AATK: variants seen among roughly 807,000 people sequenced by gnomAD.
AATK encodes the protein serine/threonine-protein kinase LMTK1.
A neutral mutation model predicts 114.3 loss-of-function variants in AATK; 91 were observed. The ratio of observed to expected loss-of-function variants is 0.80; its 90% CI spans 0.67 to 0.95. AATK has a LOEUF of 0.95. AATK is among the 40% of genes least tolerant of loss of function. AATK has a pLI of 0.00. For missense variants in AATK, 2,176 were observed against 1,965.2 expected (o/e 1.11, Z -2.03); for synonymous variants, 1,075 against 916.5 (o/e 1.17, Z -3.12).
intron 1 of AATK, among the ~76,000 whole-genome samples, chr17:81,145,903 C>T (rs760459220): frequency 7.4e-4 from 113 of 152,020 alleles, no homozygotes; most frequent in Non-Finnish European, 1.3e-3. Context: ...CAAACATAAA[C>T]AAGACTGAGC....
rs562940571 is a variant in AATK at position 81,120,172 on chromosome 17, C to T, written c.3735+29G>A. 65 of 1,543,502 alleles carry T rather than the reference C, an allele frequency of 4.2e-5. 1 individual carries two copies. The South Asian group carries it at 7.0e-4, about 17-fold the overall frequency. On this transcript the variant is annotated intron_variant, in intron 11 of 13. Transcript: ENST00000326724. Reference sequence around the variant, plus strand: ...CCTGCGGGAGCGCGACCCCCAGCCCCGGGCAGACCCCGGGTGGCGGCGGCC... The same window carrying T: ...CCTGCGGGAGCGCGACCCCCAGCCCTGGGCAGACCCCGGGTGGCGGCGGCC...
Position 81,121,681 on chromosome 17 carries a change from T to C in AATK, c.2255A>G (p.Gln752Arg), listed in dbSNP as rs979618973. The C allele has an allele frequency of 6.0e-6, 9 of 1,500,582 alleles. No homozygotes were observed. The highest frequency in any genetic ancestry group is 2.8e-5 in the African/African-American group (2 of 71,874). 93.0% of individuals were successfully genotyped at this position (1,500,582 alleles called of 1,614,324 possible). Reference protein sequence around the residue: ...CPGLPHLCSAQGLAPAPCLVT... With the variant: ...CPGLPHLCSARGLAPAPCLVT... ...CAGGCAGGGAGCAGGTGCCAGGCCC[T>C]GGGCAGAGCATAGATGAGGGAGGCC... The change falls in exon 11 of 14, where the codon CAG (glutamine) becomes CGG (arginine). Residue 752 changes from glutamine (Q) to arginine (R), a missense_variant. By Grantham distance (43) the Gln-to-Arg change is conservative (BLOSUM62 1). This residue lies in a region of AATK where 1,701 missense variants were observed against 1,394.7 expected (regional missense o/e 1.22). Transcript: ENST00000326724.
chr17:81,126,661 T>G lies in AATK; in HGVS notation c.622-101A>C, dbSNP rs970773424. 6.8e-6 allele frequency: 10 copies of G among 1,464,128 alleles called. No homozygotes were observed. Among genetic ancestry groups the G allele is most frequent in the Non-Finnish European group, 9.1e-6 (10 of 1,103,514 alleles). The allele number at this position is 1,464,128 out of a possible 1,614,324, so 90.7% of individuals were successfully genotyped here. The stretch of plus-strand genomic sequence containing the variant: ...CAACTCCTCCACCCCTACCCACAGC[T>G]GAGGGACAGCAGCTGCCCAGAGCAG... On this transcript the variant is annotated intron_variant, in intron 6 of 13. Transcript: ENST00000326724. The surrounding 1 kb of genome is among the most constrained non-coding windows in gnomAD (Gnocchi z 5.1).
intron 1 of AATK, among the ~76,000 whole-genome samples, chr17:81,147,314 T>C (rs2061235127): frequency 7.0e-6 from 1 of 142,254 alleles, no homozygotes; most frequent in Admixed American, 7.3e-5. Context: ...TGAGCTGAGA[T>C]CTCACCACTG....
intron 1 of AATK, chr17:81,135,951 C>T (rs1180961718): frequency 1.3e-5 from 2 of 152,274 alleles, no homozygotes; most frequent in East Asian, 1.9e-4. Flanking sequence ...TCATCCCAGG[C>T]GAGGTTTCCA....
intron 1 of AATK, among the ~76,000 whole-genome samples, chr17:81,140,853 GGCTGTGGGGCCGTGA>G (rs1230589071): frequency 9.0e-6 from 1 of 110,618 alleles, no homozygotes; most frequent in African/African-American, 3.7e-5. Context: ...TGAGCCGTGG[GGCTGTGGGGCCGTGA>G]GCCGTGGGGC....
chr17:81,140,405 A>G (rs533304942), intron 1 of AATK, among the ~76,000 whole-genome samples: 189 of 152,334 alleles, frequency 1.2e-3, no homozygotes, highest in Admixed American at 2.4e-3. Context: ...CAGATTTGGT[A>G]AGGGGGCACC....
rs377705371 is a variant in AATK at position 81,147,012 on chromosome 17, C to T, written c.56-12511G>A. Among the ~76,000 whole-genome samples, 46 of 150,022 alleles carry T rather than the reference C, an allele frequency of 3.1e-4. 1 individual carries two copies. Among genetic ancestry groups the T allele is most frequent in the African/African-American group, 1.0e-3 (42 of 40,582 alleles). On this transcript the variant is annotated intron_variant, in intron 1 of 13. Transcript: ENST00000326724. The stretch of plus-strand genomic sequence containing the variant: ...ATAAAGTAAGGAATGAGAAAGTGAA[C>T]GCCGCAGACGGAAAAAGCTATTTGC...
chr17:81,140,880 G>A (rs1470969472), intron 1 of AATK, among the ~76,000 whole-genome samples: 6 of 141,036 alleles, frequency 4.3e-5, no homozygotes, highest in African/African-American at 8.3e-5. Flanking sequence ...CCGTGGGGCC[G>A]TGGGGACCGT....
chr17:81,124,897 C>G (rs62073022), intron 8 of AATK, 33 bp downstream of exon 8: 100,544 of 1,567,842 alleles, frequency 0.064, 3,628 homozygotes, highest in South Asian at 0.11. Context: ...CCCTGCCCCT[C>G]ATGCCCAGCC....
In AATK at chr17:81,121,074, C is replaced by T. The variant is rs756790781; in HGVS notation, c.2862G>A (p.Ala954=). The T allele has an allele frequency of 2.1e-5, 34 of 1,606,930 alleles. No individual in the cohort carries two copies. Among genetic ancestry groups the T allele is most frequent in the South Asian group, 4.4e-5 (4 of 90,292 alleles). Residue 954 remains alanine (A), a synonymous_variant, in exon 11 of 14, where the codon GCG becomes GCA. Transcript: ENST00000326724. ...YESPEFVLKE[A]QEGCEPQAFA... Reference sequence around the variant, plus strand: ...AGGCCTGGGGCTCACACCCTTCCTGCGCCTCCTTGAGCACAAACTCAGGGG... The same window carrying T: ...AGGCCTGGGGCTCACACCCTTCCTGTGCCTCCTTGAGCACAAACTCAGGGG...
Position 81,126,829 on chromosome 17 carries a change from A to C in AATK, c.622-269T>G. On this transcript the variant is annotated intron_variant, in intron 6 of 13. Transcript: ENST00000326724. The surrounding 1 kb of genome is among the most constrained non-coding windows in gnomAD (Gnocchi z 5.1). Reference sequence around the variant, plus strand: ...AGGAGTCCCTTGGCCTGTGGTAGAGAGAGAAACACAGGGCCCAAGTGGATC... The same window carrying C: ...AGGAGTCCCTTGGCCTGTGGTAGAGCGAGAAACACAGGGCCCAAGTGGATC... 1 of 1,297,300 alleles carries C rather than the reference A, an allele frequency of 7.7e-7. No individual in the cohort carries two copies. The highest frequency in any genetic ancestry group is 9.8e-7 in the Non-Finnish European group (1 of 1,020,410). 80.4% of individuals were successfully genotyped at this position (1,297,300 alleles called of 1,614,324 possible).
At chr17:81,155,260 T>C (rs902859593) in intron 1 of AATK, among the ~76,000 whole-genome samples, 24 of 152,232 alleles carry the variant, frequency 1.6e-4, no homozygotes, top group African/African-American at 5.8e-4. Context: ...ACGGATCTTG[T>C]CAAGAGACTT....
chr17:81,137,901 CAT>C (rs1344911703), intron 1 of AATK, among the ~76,000 whole-genome samples: 8 of 145,120 alleles, frequency 5.5e-5, no homozygotes, highest in African/African-American at 1.8e-4. Context: ...CCCACGTGCA[CAT>C]ACACACGGGC....
At chr17:81,165,641 G>A (rs1219026993) in intron 1 of AATK, 3 of 1,476,288 alleles carry the variant, frequency 2.0e-6, no homozygotes, top group Non-Finnish European at 2.7e-6. Flanking sequence ...CAACTCTCCT[G>A]GACACCAGGG....
Position 81,120,477 on chromosome 17 carries a change from G to A in AATK, c.3459C>T (p.Ala1153=), listed in dbSNP as rs1351358445. 1.3e-6 allele frequency: 2 copies of A among 1,525,022 alleles called. No individual in the cohort carries two copies. Among genetic ancestry groups the A allele is most frequent in the African/African-American group, 2.8e-5 (2 of 72,278 alleles). 94.5% of individuals were successfully genotyped at this position (1,525,022 alleles called of 1,614,324 possible). The change falls in exon 11 of 14, where the codon GCC becomes GCT. Residue 1153 remains alanine (A), a synonymous_variant. Transcript: ENST00000326724. ...LRLALPGLPA[A]LEGRPEEEEE... Reference sequence around the variant, plus strand: ...CCTCCTCCTCCGGCCGGCCCTCCAAGGCCGCAGGGAGGCCGGGCAGAGCCA... The same window carrying A: ...CCTCCTCCTCCGGCCGGCCCTCCAAAGCCGCAGGGAGGCCGGGCAGAGCCA...
At chr17:81,160,257 G>A (rs1323642313) in intron 1 of AATK, 4 of 985,042 alleles carry the variant, frequency 4.1e-6, no homozygotes, top group East Asian at 2.3e-4. Flanking sequence ...TGTCGCTCCC[G>A]CGTGGCTCTG....
intron 1 of AATK, among the ~76,000 whole-genome samples, chr17:81,140,936 TGGGGCCGTGAGCCGTG>T (rs1567819936): frequency 1.4e-5 from 1 of 73,134 alleles, no homozygotes; most frequent in East Asian, 3.3e-4. Context: ...CGTGGGACCA[TGGGGCCGTGAGCCGTG>T]GGGACCGTGA....
rs540501840 is a variant in AATK, at chr17:81,121,406, G to A, written c.2530C>T (p.Leu844=). Residue 844 remains leucine (L), a synonymous_variant, in exon 11 of 14, where the codon CTG becomes TTG. Coordinates refer to ENST00000326724, the MANE Select transcript of AATK (RefSeq NM_001080395.3). ...EVSAIKLASA[L]NGSSSSPEVE... is the part of the protein sequence containing the mutation. ...TCGGGAGAGCTGCTGCTGCCATTCA[G>A]GGCAGAAGCCAGCTTGATGGCAGAC... 68 of 1,608,240 alleles carry A rather than the reference G, an allele frequency of 4.2e-5. No individual in the cohort carries two copies. The highest frequency in any genetic ancestry group is 4.2e-4 in the African/African-American group (31 of 74,520).
Sources: allele counts gnomAD v4.1 joint callset (sites outside exome capture counted in the v4.1 genomes callset), GRCh38; gene constraint gnomAD v4.1.1; regional missense constraint gnomAD v4.1.1; non-coding constraint Gnocchi (gnomAD v3.1); transcripts MANE v1.5; gene names NCBI Gene and HGNC (gene_info 2026-07-23, HGNC 2026-07-21).